NEK1: variants seen among roughly 807,000 people sequenced by gnomAD.
NEK1 encodes the protein NIMA related kinase 1.
Under a neutral mutation model 182.1 loss-of-function variants are expected in NEK1, and 137 were observed. The observed-to-expected ratio is 0.75, with a 90% CI of 0.65 to 0.87. The LOEUF is 0.87. NEK1 is among the 40% of genes least tolerant of loss of function. The pLI, the probability that NEK1 is intolerant of heterozygous loss-of-function variation, is 0.00. For missense variants in NEK1, 1,391 were observed against 1,494.4 expected (o/e 0.93, Z 1.14); for synonymous variants, 513 against 492.2 (o/e 1.04, Z -0.56).
At chr4:169,499,250 A>G (rs1391018842) in intron 23 of NEK1, among the ~76,000 whole-genome samples, 1 of 152,140 alleles carries the variant, frequency 6.6e-6, no homozygotes, top group Admixed American at 6.5e-5. Flanking sequence ...TTTCAGCTCC[A>G]TCAGGTTCTT....
chr4:169,399,913 C>A (rs766610777), intron 35 of NEK1, among the ~76,000 whole-genome samples: 1 of 152,142 alleles, frequency 6.6e-6, no homozygotes, highest in Non-Finnish European at 1.5e-5. Context: ...GCATAAACCA[C>A]GGCACCCGGC....
chr4:169,565,781 G>A (rs1382279583), intron 12 of NEK1, among the ~76,000 whole-genome samples: 1 of 152,138 alleles, frequency 6.6e-6, no homozygotes, highest in Non-Finnish European at 1.5e-5. Context: ...GTAGATTAGA[G>A]GCTGCCTAGG....
intron 23 of NEK1, among the ~76,000 whole-genome samples, chr4:169,497,564 G>A (rs1458903572): frequency 2.6e-5 from 4 of 152,148 alleles, no homozygotes; most frequent in South Asian, 4.2e-4. Context: ...TTCCTTCTAC[G>A]CACTGCTTTG....
chr4:169,398,788 GAATACA>G (rs1481108137), intron 35 of NEK1, among the ~76,000 whole-genome samples: 1 of 151,920 alleles, frequency 6.6e-6, no homozygotes. Flanking sequence ...ATTTTGTATG[GAATACA>G]AATACATTTT....
chr4:169,569,091 A>G (rs1459124070), intron 12 of NEK1, among the ~76,000 whole-genome samples: 1 of 152,230 alleles, frequency 6.6e-6, no homozygotes, highest in African/African-American at 2.4e-5. Context: ...AAGTTTATTA[A>G]AATACATACT....
intron 26 of NEK1, among the ~76,000 whole-genome samples, chr4:169,472,886 T>C (rs1746269484): frequency 1.3e-5 from 2 of 152,202 alleles, no homozygotes; most frequent in African/African-American, 4.8e-5. Flanking sequence ...AGGCAAATTA[T>C]ACTTAAACAA....
At chr4:169,411,527 T>A (rs1273321122) in intron 31 of NEK1, among the ~76,000 whole-genome samples, 2 of 152,154 alleles carry the variant, frequency 1.3e-5, no homozygotes, top group African/African-American at 4.8e-5. Flanking sequence ...GGTTTCACCA[T>A]GTTGGCCAGG....
At chr4:169,492,772 A>G (rs572271699) in intron 23 of NEK1, among the ~76,000 whole-genome samples, 1 of 152,288 alleles carries the variant, frequency 6.6e-6, no homozygotes, top group South Asian at 2.1e-4. Flanking sequence ...GCAGATTCTC[A>G]GGGAGTTTGG....
chr4:169,598,652 C>T (rs895710159), intron 5 of NEK1, among the ~76,000 whole-genome samples: 30 of 151,980 alleles, frequency 2.0e-4, no homozygotes, highest in African/African-American at 7.0e-4. Context: ...AAAAATAAGG[C>T]TGCTTAGGTA....
At chr4:169,601,053 AAG>A (rs1467500471) in intron 4 of NEK1, among the ~76,000 whole-genome samples, 1 of 152,242 alleles carries the variant, frequency 6.6e-6, no homozygotes, top group African/African-American at 2.4e-5. Context: ...CCTGAAAAGG[AAG>A]AGTTGGTTAA....
intron 2 of NEK1, among the ~76,000 whole-genome samples, chr4:169,602,931 A>G (rs1770735016): frequency 6.6e-6 from 1 of 152,158 alleles, no homozygotes; most frequent in African/African-American, 2.4e-5. Context: ...CATATACTTA[A>G]TGTATGGAGA....
At chr4:169,417,933 T>G (rs1170869146) in intron 31 of NEK1, among the ~76,000 whole-genome samples, 1 of 152,084 alleles carries the variant, frequency 6.6e-6, no homozygotes, top group African/African-American at 2.4e-5. Context: ...GAGGTAGAAC[T>G]AGAAAAGAGA....
intron 32 of NEK1, 50 bp from the exon 33 acceptor site, chr4:169,401,910 C>T (rs1370476128): frequency 6.8e-7 from 1 of 1,461,872 alleles, no homozygotes; most frequent in East Asian, 2.3e-5. Flanking sequence ...TGAAATTTAC[C>T]AAGTTAAACA....
At chr4:169,512,753 C>T (rs1390156191) in intron 19 of NEK1, among the ~76,000 whole-genome samples, 1 of 152,028 alleles carries the variant, frequency 6.6e-6, no homozygotes, top group Admixed American at 6.6e-5. Context: ...AGCCCATGAT[C>T]TGTTTTGAGG....
intron 16 of NEK1, 110 bp downstream of exon 16, chr4:169,561,366 AAATT>A (rs1762873792): frequency 1.1e-5 from 10 of 871,650 alleles, no homozygotes; most frequent in Non-Finnish European, 1.1e-5. Flanking sequence ...TTCTAGGTAA[AAATT>A]AATTGTACAC....
intron 2 of NEK1, among the ~76,000 whole-genome samples, chr4:169,608,564 T>C (rs1370962945): frequency 6.6e-6 from 1 of 152,146 alleles, no homozygotes; most frequent in Non-Finnish European, 1.5e-5. Context: ...CCTTGAGGGA[T>C]TAATATGACT....
chr4:169,442,183 C>A (rs544374519), intron 27 of NEK1, among the ~76,000 whole-genome samples: 1 of 152,182 alleles, frequency 6.6e-6, no homozygotes, highest in African/African-American at 2.4e-5. Flanking sequence ...TGAACACCAT[C>A]TGGGGGGCCA....
chr4:169,401,991 T>C (rs984678125), intron 32 of NEK1, 131 bp from the exon 33 acceptor site: 9 of 659,280 alleles, frequency 1.4e-5, no homozygotes, highest in Non-Finnish European at 1.2e-5. Context: ...ATCCTAATAG[T>C]AGATAACAAA....
chr4:169,404,675 G>A (rs540073378), intron 32 of NEK1, among the ~76,000 whole-genome samples: 1 of 152,186 alleles, frequency 6.6e-6, no homozygotes, highest in African/African-American at 2.4e-5. Flanking sequence ...GGAAACTCTG[G>A]TTTTATTACA....
Sources: allele counts gnomAD v4.1 joint callset (sites outside exome capture counted in the v4.1 genomes callset), GRCh38; gene constraint gnomAD v4.1.1; transcripts MANE v1.5; gene names NCBI Gene and HGNC (gene_info 2026-07-23, HGNC 2026-07-21).